C1QTNF7: variants seen among roughly 807,000 people sequenced by gnomAD.
C1QTNF7 encodes complement C1q tumor necrosis factor-related protein 7.
C1QTNF7 carries 15 observed loss-of-function variants against 19.6 expected under a neutral mutation model. The observed-to-expected ratio is 0.76, with a 90% CI of 0.51 to 1.18. C1QTNF7 has a LOEUF of 1.18. C1QTNF7 is among the 50% of genes most tolerant of loss of function. The probability of loss-of-function intolerance (pLI) is 0.00; values close to 1 mark genes in which losing one functional copy is unlikely to be tolerated. For synonymous variants in C1QTNF7, 142 were observed against 137.5 expected (o/e 1.03, Z -0.23); for missense variants, 324 against 359.7 (o/e 0.90, Z 0.80).
intron 1 of C1QTNF7, among the ~76,000 whole-genome samples, chr4:15,388,743 T>C (rs777898204): frequency 1.3e-4 from 20 of 152,170 alleles, no homozygotes; most frequent in Non-Finnish European, 2.6e-4. Flanking sequence ...GTCTTCCAAG[T>C]AGACACTGAA....
chr4:15,358,579 T>C (rs956950307), intron 1 of C1QTNF7: 2 of 152,224 alleles, frequency 1.3e-5, no homozygotes, highest in African/African-American at 4.8e-5. Flanking sequence ...AGGATGATGC[T>C]GGCCTCATGA....
chr4:15,419,410 T>G (rs763017647), intron 1 of C1QTNF7, among the ~76,000 whole-genome samples: 1 of 152,186 alleles, frequency 6.6e-6, no homozygotes, highest in African/African-American at 2.4e-5. Context: ...GTTTGGCCAT[T>G]AATGGCTCCA....
At chr4:15,392,435 C>T (rs944946984) in intron 1 of C1QTNF7, among the ~76,000 whole-genome samples, 6 of 152,208 alleles carry the variant, frequency 3.9e-5, no homozygotes, top group East Asian at 1.9e-4. Flanking sequence ...ACCCCAAGCC[C>T]GGTGCCCCTT....
At chr4:15,378,495 G>T (rs750096032) in intron 1 of C1QTNF7, among the ~76,000 whole-genome samples, 6 of 152,064 alleles carry the variant, frequency 3.9e-5, no homozygotes, top group Non-Finnish European at 7.4e-5. Flanking sequence ...AATGTTCTGG[G>T]CTTTTTCAAC....
intron 1 of C1QTNF7, among the ~76,000 whole-genome samples, chr4:15,403,307 A>G (rs1719062185): frequency 6.6e-6 from 1 of 152,138 alleles, no homozygotes; most frequent in Non-Finnish European, 1.5e-5. Flanking sequence ...GTAATGCTGT[A>G]TTAGTTTCCC....
chr4:15,366,697 A>G (rs1717536034), intron 1 of C1QTNF7, among the ~76,000 whole-genome samples: 1 of 152,088 alleles, frequency 6.6e-6, no homozygotes, highest in East Asian at 1.9e-4. Context: ...CTTTCAAATA[A>G]CATGGGACTT....
At chr4:15,401,663 C>T (rs777620786) in intron 1 of C1QTNF7, among the ~76,000 whole-genome samples, 1 of 151,984 alleles carries the variant, frequency 6.6e-6, no homozygotes, top group Non-Finnish European at 1.5e-5. Context: ...GAATCAACAT[C>T]GTAGTTTCTC....
chr4:15,342,009 C>G (rs1413455052), intron 1 of C1QTNF7, among the ~76,000 whole-genome samples: 2 of 152,158 alleles, frequency 1.3e-5, no homozygotes, highest in Non-Finnish European at 2.9e-5. Flanking sequence ...CCAAAGAGGA[C>G]AAAAACAAAA....
intron 1 of C1QTNF7, among the ~76,000 whole-genome samples, chr4:15,367,745 AT>A (rs375131832): frequency 1.1e-3 from 168 of 152,320 alleles, no homozygotes; most frequent in African/African-American, 3.7e-3. Flanking sequence ...GTAAAGATTA[AT>A]TAAGATAATG....
At chr4:15,418,307 C>T (rs759428051) in intron 1 of C1QTNF7, among the ~76,000 whole-genome samples, 29 of 152,142 alleles carry the variant, frequency 1.9e-4, no homozygotes, top group Non-Finnish European at 3.2e-4. Context: ...CTCTAACCCT[C>T]TCATGGAACC....
intron 1 of C1QTNF7, chr4:15,362,615 T>A (rs1178793635): frequency 6.6e-6 from 1 of 152,148 alleles, no homozygotes; most frequent in Admixed American, 6.6e-5. Flanking sequence ...TTCTTCCTCT[T>A]CCCCCATTAA....
At chr4:15,382,698 C>A (rs73799827) in intron 1 of C1QTNF7, among the ~76,000 whole-genome samples, 10,474 of 152,154 alleles carry the variant, frequency 0.069, 444 homozygotes, top group African/African-American at 0.12. Context: ...AATCCCATAC[C>A]CTTCTCAAAC....
At chr4:15,442,061 T>G (rs13108125) in intron 2 of C1QTNF7, 107 bp from the exon 3 acceptor site, 902,213 of 1,247,744 alleles carry the variant, frequency 0.72, 329,308 homozygotes, top group Non-Finnish European at 0.75. Context: ...CACTGTTAAA[T>G]GTTGCCTGAA....
At chr4:15,389,908 A>G (rs879810073) in intron 1 of C1QTNF7, among the ~76,000 whole-genome samples, 1 of 152,210 alleles carries the variant, frequency 6.6e-6, no homozygotes, top group Admixed American at 6.5e-5. Flanking sequence ...AGAACTGTGC[A>G]TCGTGTTAAA....
At chr4:15,397,586 T>A (rs1339239493) in intron 1 of C1QTNF7, among the ~76,000 whole-genome samples, 5 of 152,222 alleles carry the variant, frequency 3.3e-5, no homozygotes, top group Admixed American at 3.3e-4. Flanking sequence ...CAGCTCCGTG[T>A]CACACTGGGC....
chr4:15,435,664 T>G, intron 1 of C1QTNF7, 72 bp from the exon 2 acceptor site: 1 of 1,576,166 alleles, frequency 6.3e-7, no homozygotes, highest in Non-Finnish European at 8.6e-7. Flanking sequence ...TTGTTCAAAC[T>G]GATTCAATCA....
intron 1 of C1QTNF7, among the ~76,000 whole-genome samples, chr4:15,388,694 A>G (rs183898122): frequency 1.3e-5 from 2 of 152,344 alleles, no homozygotes; most frequent in East Asian, 3.9e-4. Context: ...CGTTGGAAGA[A>G]AAAAGGTTCA....
chr4:15,431,951 T>G (rs1712331197), intron 1 of C1QTNF7, among the ~76,000 whole-genome samples: 1 of 152,222 alleles, frequency 6.6e-6, no homozygotes, highest in Non-Finnish European at 1.5e-5. Context: ...CAGATTGCAG[T>G]GTTAAGCACG....
intron 1 of C1QTNF7, among the ~76,000 whole-genome samples, chr4:15,362,784 T>C (rs1201949618): frequency 6.6e-6 from 1 of 152,222 alleles, no homozygotes; most frequent in East Asian, 1.9e-4. Context: ...CAAGCTTGGC[T>C]ATTTCACACT....
Sources: gnomAD v4.1 joint callset for allele counts (sites outside exome capture counted in the v4.1 genomes callset) on GRCh38, gnomAD v4.1.1 for gene constraint, MANE v1.5 for transcripts, NCBI Gene and HGNC (gene_info 2026-07-23, HGNC 2026-07-21) for gene names.